The following TUBGCP3 variants were observed in gnomAD, a reference collection of about 807,000 sequenced individuals.
TUBGCP3 encodes tubulin gamma complex component 3.
TUBGCP3 carries 50 observed loss-of-function variants against 123.1 expected under a neutral mutation model. The observed-to-expected ratio is 0.41, with a 90% confidence interval of 0.32 to 0.51. The LOEUF (loss-of-function observed/expected upper bound fraction) is 0.51. Ranked by LOEUF, TUBGCP3 falls within the 20% of genes least tolerant of loss-of-function variation. The pLI is 0.36. For missense variants in TUBGCP3, 882 were observed against 1,127.0 expected, an observed-to-expected ratio of 0.78 and a Z score of 3.11; for synonymous variants, 405 against 413.9, an observed-to-expected ratio of 0.98 and a Z score of 0.26.
chr13:112,596,255 T>C, the TUBGCP3 span, among the ~76,000 whole-genome samples: 1 of 152,232 alleles, frequency 6.6e-6, no homozygotes, highest in East Asian at 1.9e-4. Context: ...TGATTCTGTC[T>C]TTTTCATTTC....
At chr13:112,498,972 G>A in intron 20 of TUBGCP3, 73 bp downstream of exon 20, 2 of 1,614,148 alleles carry the variant, frequency 1.2e-6, no homozygotes, top group South Asian at 2.2e-5. Context: ...TTATTTGTTG[G>A]CATTTGAGAT....
At chr13:112,532,397 G>T (rs1181782079) in intron 11 of TUBGCP3, among the ~76,000 whole-genome samples, 1 of 152,190 alleles carries the variant, frequency 6.6e-6, no homozygotes, top group African/African-American at 2.4e-5. Flanking sequence ...TAGAGTTTTA[G>T]AATATTATCA....
intron 1 of TUBGCP3, chr13:112,587,419 C>CA (rs1301269695): frequency 6.5e-6 from 1 of 154,262 alleles, no homozygotes; most frequent in Non-Finnish European, 1.4e-5. Flanking sequence ...GATGATGTGA[C>CA]ACTCCAGCAC....
intron 1 of TUBGCP3, among the ~76,000 whole-genome samples, chr13:112,584,441 A>C (rs1325833859): frequency 2.0e-5 from 3 of 152,248 alleles, no homozygotes; most frequent in African/African-American, 7.2e-5. Context: ...ATACACATTG[A>C]TCTTCCCAAG....
At chr13:112,542,619 G>T (rs1326460765) in intron 11 of TUBGCP3, among the ~76,000 whole-genome samples, 2 of 151,952 alleles carry the variant, frequency 1.3e-5, no homozygotes, top group East Asian at 3.9e-4. Context: ...TCTATAGATG[G>T]CATGTATATG....
chr13:112,528,933 C>T (rs572025580), intron 11 of TUBGCP3, among the ~76,000 whole-genome samples: 1 of 152,198 alleles, frequency 6.6e-6, no homozygotes, highest in Admixed American at 6.5e-5. Context: ...CTCACTGCAA[C>T]GTCTGCCTCC....
chr13:112,508,321 G>A lies in TUBGCP3; in HGVS notation c.2087-3607C>T, dbSNP rs955610901. Among the ~76,000 whole-genome samples, 3 of 152,144 alleles carry A rather than the reference G, an allele frequency of 2.0e-5. No individual in the cohort carries two copies. On this transcript the variant is annotated intron_variant, in intron 17 of 21. Coordinates refer to ENST00000261965, the MANE Select transcript of TUBGCP3 (RefSeq NM_006322.6). This position sits in a 1 kb window ranked among gnomAD's most constrained non-coding sequence, Gnocchi z 4.2. ...CTTCTCCATATCGGCATCTCAAACAGCCTTCCAACAAACAAAGCGTCTAAC... is the reference window on the plus strand; with the variant it reads ...CTTCTCCATATCGGCATCTCAAACAACCTTCCAACAAACAAAGCGTCTAAC...
rs1876133712 is a variant in TUBGCP3, at chr13:112,516,423, C to A, written c.2086+17G>T. On this transcript the variant is annotated intron_variant, in intron 17 of 21. Coordinates refer to ENST00000261965, the MANE Select transcript of TUBGCP3 (RefSeq NM_006322.6). ...GCTGGGAGTGTGTGCGGACCCGTGA[C>A]CGTGCTGGGGGCTCACCTGGCATGT... 6.3e-7 allele frequency: 1 copy of A among 1,582,410 alleles called. No homozygotes were observed. Among genetic ancestry groups the A allele is most frequent in the Non-Finnish European group, 8.6e-7 (1 of 1,162,110 alleles).
the TUBGCP3 span, among the ~76,000 whole-genome samples, chr13:112,593,681 G>T: frequency 6.7e-6 from 1 of 149,682 alleles, no homozygotes; most frequent in African/African-American, 2.5e-5. Flanking sequence ...TCAAAAAAAA[G>T]AAAAAAAAAG....
chr13:112,542,922 C>T (rs763862430), intron 11 of TUBGCP3, among the ~76,000 whole-genome samples: 1 of 152,142 alleles, frequency 6.6e-6, no homozygotes, highest in African/African-American at 2.4e-5. Flanking sequence ...CCAAGGTGGG[C>T]GGATTGCCTG....
the TUBGCP3 span, among the ~76,000 whole-genome samples, chr13:112,598,945 CAAAA>C: frequency 2.8e-5 from 2 of 71,606 alleles, no homozygotes; most frequent in Admixed American, 1.5e-4. Flanking sequence ...GACTCCGTCT[CAAAA>C]AAAAAAAAAA....
chr13:112,596,857 A>T, the TUBGCP3 span, among the ~76,000 whole-genome samples: 1 of 152,352 alleles, frequency 6.6e-6, no homozygotes, highest in Non-Finnish European at 1.5e-5. Flanking sequence ...GTAATGAAAG[A>T]CTAGTTAATT....
intron 1 of TUBGCP3, among the ~76,000 whole-genome samples, chr13:112,572,016 A>C (rs1310570172): frequency 2.0e-5 from 3 of 152,170 alleles, no homozygotes; most frequent in Non-Finnish European, 4.4e-5. Flanking sequence ...GACCACTCAA[A>C]CTTTCTCCAT....
At chr13:112,548,693 C>T (rs1389012362) in intron 8 of TUBGCP3, among the ~76,000 whole-genome samples, 2 of 152,200 alleles carry the variant, frequency 1.3e-5, no homozygotes, top group Non-Finnish European at 2.9e-5. Flanking sequence ...ACAGACACTT[C>T]TCAAAAGAAG....
chr13:112,570,589 T>C (rs1881321098), intron 1 of TUBGCP3, among the ~76,000 whole-genome samples: 1 of 152,182 alleles, frequency 6.6e-6, no homozygotes, highest in South Asian at 2.1e-4. Context: ...GTCGAAATCT[T>C]TTTGCTGGTG....
rs1878878257 is a variant in TUBGCP3, at chr13:112,545,112, C to T, written c.1335+587G>A. On this transcript the variant is annotated intron_variant, in intron 11 of 21. Coordinates refer to ENST00000261965, the MANE Select transcript of TUBGCP3 (RefSeq NM_006322.6). The surrounding 1 kb of genome is among the most constrained non-coding windows in gnomAD (Gnocchi z 4.1). The stretch of plus-strand genomic sequence containing the variant: ...TGGCAGTGCTTATGTATTTCTTAAA[C>T]TTTAACGTGTTAAACTGCACTACAA... The T allele has an allele frequency of 6.5e-6, 1 of 152,752 alleles. No individual in the cohort carries two copies. Among genetic ancestry groups the T allele is most frequent in the East Asian group, 1.9e-4 (1 of 5,204 alleles). 9.5% of individuals were successfully genotyped at this position (152,752 alleles called of 1,614,324 possible). A position where few individuals can be genotyped will look rare whatever the true frequency, so the allele number is the denominator to read the frequency against.
intron 14 of TUBGCP3, chr13:112,521,905 T>C (rs1198505689): frequency 2.1e-6 from 2 of 944,812 alleles, no homozygotes; most frequent in African/African-American, 1.8e-5. Flanking sequence ...GGGAGCAAAA[T>C]GAAAAGGTCA....
At chr13:112,503,966 G>A (rs1881102811) in intron 19 of TUBGCP3, 66 bp downstream of exon 19, 2 of 1,535,548 alleles carry the variant, frequency 1.3e-6, no homozygotes, top group Non-Finnish European at 1.8e-6. Flanking sequence ...TCCCCCATTT[G>A]ACAGGAACCC....
chr13:112,541,449 G>A (rs2139150634), intron 11 of TUBGCP3, among the ~76,000 whole-genome samples: 1 of 151,604 alleles, frequency 6.6e-6, no homozygotes, highest in Non-Finnish European at 1.5e-5. Context: ...GGCTGAGGAA[G>A]GAGAATTGCT....
Sources: gnomAD v4.1 joint callset for allele counts (sites outside exome capture counted in the v4.1 genomes callset) on GRCh38, gnomAD v4.1.1 for gene constraint, Gnocchi (gnomAD v3.1) non-coding constraint, MANE v1.5 for transcripts, NCBI Gene and HGNC (gene_info 2026-07-23, HGNC 2026-07-21) for gene names.